The following HORMAD2 variants were observed in gnomAD, a reference collection of about 807,000 sequenced individuals.
HORMAD2 encodes the protein HORMA domain containing 2.
Under a neutral mutation model 38.8 loss-of-function variants are expected in HORMAD2, and 45 were observed. That is an observed-to-expected ratio of 1.16 (90% confidence interval 0.91 to 1.49). The LOEUF is 1.49. HORMAD2 is among the 40% of genes most tolerant of loss of function. The pLI, the probability that HORMAD2 is intolerant of heterozygous loss-of-function variation, is 0.00. For missense variants in HORMAD2, 338 were observed against 367.0 expected, an observed-to-expected ratio of 0.92 and a Z score of 0.65; for synonymous variants, 126 against 122.8, an observed-to-expected ratio of 1.03 and a Z score of -0.17.
intron 10 of HORMAD2, among the ~76,000 whole-genome samples, chr22:30,167,914 C>T (rs1601594883): frequency 6.6e-6 from 1 of 152,176 alleles, no homozygotes; most frequent in Non-Finnish European, 1.5e-5. Context: ...TAAGTCATTT[C>T]ACTTCTCTGA....
chr22:30,132,851 C>T (rs1177121720), intron 10 of HORMAD2, among the ~76,000 whole-genome samples: 2 of 152,008 alleles, frequency 1.3e-5, no homozygotes, highest in Admixed American at 1.3e-4. Flanking sequence ...GTATATGTTT[C>T]ACTCACATTA....
chr22:30,152,964 C>T (rs188885865), intron 10 of HORMAD2, among the ~76,000 whole-genome samples: 5 of 152,218 alleles, frequency 3.3e-5, no homozygotes, highest in Admixed American at 1.3e-4. Context: ...AACCTTCTTT[C>T]GGGCATTTGT....
chr22:30,182,128 C>T, the HORMAD2 span, among the ~76,000 whole-genome samples: 1 of 152,172 alleles, frequency 6.6e-6, no homozygotes, highest in Non-Finnish European at 1.5e-5. Flanking sequence ...ACCCTGGTCA[C>T]CCTACTTACT....
At chr22:30,178,807 T>G (rs1301318299), downstream of HORMAD2, among the ~76,000 whole-genome samples, 8 of 152,160 alleles carry the variant, frequency 5.3e-5, no homozygotes. Context: ...AAATAAAAAG[T>G]TATGTAGGGG....
At chr22:30,151,700 C>A (rs1489149083) in intron 10 of HORMAD2, among the ~76,000 whole-genome samples, 4 of 152,112 alleles carry the variant, frequency 2.6e-5, no homozygotes, top group Non-Finnish European at 5.9e-5. Context: ...ATTTCTTACT[C>A]ATATTATATC....
chr22:30,192,955 T>C, the HORMAD2 span, among the ~76,000 whole-genome samples: 6 of 152,170 alleles, frequency 3.9e-5, no homozygotes, highest in African/African-American at 7.2e-5. Flanking sequence ...TAAGGAAACA[T>C]ACAGGCACAC....
the HORMAD2 span, among the ~76,000 whole-genome samples, chr22:30,201,442 G>C: frequency 7.2e-6 from 1 of 139,840 alleles, no homozygotes. Flanking sequence ...TTTCCAAGAC[G>C]GATTCTCGCT....
chr22:30,198,753 G>A, the HORMAD2 span, among the ~76,000 whole-genome samples: 2 of 151,944 alleles, frequency 1.3e-5, no homozygotes, highest in Non-Finnish European at 2.9e-5. Context: ...ACTATACCAT[G>A]GCAAAAAAGT....
chr22:30,137,718 A>C (rs910351255), intron 10 of HORMAD2: 1 of 157,158 alleles, frequency 6.4e-6, no homozygotes, highest in Non-Finnish European at 1.4e-5. Flanking sequence ...CATGTTTTCA[A>C]AGTTCATCCA....
intron 10 of HORMAD2, among the ~76,000 whole-genome samples, chr22:30,123,304 GA>G (rs1922588267): frequency 6.6e-6 from 1 of 152,074 alleles, no homozygotes; most frequent in Admixed American, 6.6e-5. Flanking sequence ...TGAAGGTTAA[GA>G]AAAGAATGTT....
At chr22:30,168,982 C>T (rs905912570) in intron 10 of HORMAD2, among the ~76,000 whole-genome samples, 2 of 152,142 alleles carry the variant, frequency 1.3e-5, no homozygotes, top group Non-Finnish European at 2.9e-5. Context: ...CCACACCCTT[C>T]CTGTTAGCCC....
the HORMAD2 span, chr22:30,184,890 A>G: frequency 5.9e-5 from 9 of 152,242 alleles, no homozygotes; most frequent in African/African-American, 1.9e-4. Flanking sequence ...CTAGGTAGAT[A>G]TGGGACAGTG....
At chr22:30,201,480 G>A in the HORMAD2 span, among the ~76,000 whole-genome samples, 8 of 145,872 alleles carry the variant, frequency 5.5e-5, no homozygotes, top group South Asian at 2.2e-4. Flanking sequence ...GCAGTGGCGC[G>A]ATCTCAGCTC....
chr22:30,127,199 CTTTTT>C (rs757608874), intron 10 of HORMAD2, among the ~76,000 whole-genome samples: 1 of 79,818 alleles, frequency 1.3e-5, no homozygotes, highest in Non-Finnish European at 2.4e-5. Context: ...AACAGAAGTT[CTTTTT>C]TTTTTTTTTT....
intron 10 of HORMAD2, among the ~76,000 whole-genome samples, chr22:30,153,161 G>A (rs150938663): frequency 5.7e-4 from 87 of 151,904 alleles, no homozygotes; most frequent in Non-Finnish European, 7.9e-4. Context: ...ATTTAGTCAA[G>A]TATCAGAATT....
At chr22:30,129,043 C>T (rs1923075581) in intron 10 of HORMAD2, among the ~76,000 whole-genome samples, 1 of 151,332 alleles carries the variant, frequency 6.6e-6, no homozygotes, top group Admixed American at 6.6e-5. Context: ...ACAGTGAAAC[C>T]CTGTCTCTAC....
At chr22:30,191,638 ATTACATTGACTTATTCTTCCAAAG>A in the HORMAD2 span, among the ~76,000 whole-genome samples, 1 of 152,222 alleles carries the variant, frequency 6.6e-6, no homozygotes. Context: ...ACTTCACGTT[ATTACATTGACTTATTCTTCCAAAG>A]TTACATAGAA....
At chr22:30,172,796 G>A (rs951707920) in intron 10 of HORMAD2, among the ~76,000 whole-genome samples, 1 of 151,942 alleles carries the variant, frequency 6.6e-6, no homozygotes, top group Admixed American at 6.6e-5. Context: ...GCTGAGGCAT[G>A]AGAATTGCTT....
At chr22:30,116,864 T>C (rs956843245) in intron 7 of HORMAD2, among the ~76,000 whole-genome samples, 1 of 152,116 alleles carries the variant, frequency 6.6e-6, no homozygotes, top group African/African-American at 2.4e-5. Flanking sequence ...TTGAGAAACA[T>C]GGGCAGGCAG....
Sources: allele counts gnomAD v4.1 joint callset (sites outside exome capture counted in the v4.1 genomes callset), GRCh38; gene constraint gnomAD v4.1.1; transcripts MANE v1.5; gene names NCBI Gene and HGNC (gene_info 2026-07-23, HGNC 2026-07-21).